Variants in ATIC observed in about 807,000 individuals in gnomAD.
ATIC encodes bifunctional purine biosynthesis protein ATIC.
ATIC carries 64 observed loss-of-function variants against 72.5 expected under a neutral mutation model. The observed-to-expected ratio is 0.88, with a 90% CI of 0.72 to 1.09. ATIC has a LOEUF of 1.09. Among genes scored for constraint, ATIC ranks in the 50% least tolerant of loss-of-function variants. ATIC has a pLI of 0.00. For synonymous variants in ATIC, 281 were observed against 267.1 expected (o/e 1.05, Z -0.51); for missense variants, 787 against 732.4 (o/e 1.07, Z -0.86).
At chr2:215,358,081 T>A in the ATIC span, among the ~76,000 whole-genome samples, 1 of 152,218 alleles carries the variant, frequency 6.6e-6, no homozygotes, top group Admixed American at 6.5e-5. Flanking sequence ...TTTCCTGTAC[T>A]TGTAATTTCC....
the ATIC span, chr2:215,361,691 AT>A: frequency 7.7e-7 from 1 of 1,296,374 alleles, no homozygotes; most frequent in South Asian, 1.2e-5. Context: ...AGAAAAAAAA[AT>A]GCGGGGAGGT....
At chr2:215,357,015 C>T in the ATIC span, among the ~76,000 whole-genome samples, 2 of 152,124 alleles carry the variant, frequency 1.3e-5, no homozygotes, top group Non-Finnish European at 2.9e-5. Flanking sequence ...GGCTGTTTCC[C>T]ACAGCAGCCG....
At chr2:215,367,959 C>T in the ATIC span, 61 of 1,614,146 alleles carry the variant, frequency 3.8e-5, no homozygotes, top group Admixed American at 5.0e-5. Context: ...TCATCTCCAA[C>T]GGCATAATGG....
intron 12 of ATIC, among the ~76,000 whole-genome samples, chr2:215,340,907 G>C (rs552682848): frequency 9.1e-4 from 139 of 152,222 alleles, no homozygotes; most frequent in Middle Eastern, 3.4e-3. Context: ...TTTTCTCTGG[G>C]ATCTTTGTCT....
At position 215,334,900 on chromosome 2, in the gene ATIC, A is replaced by T; in HGVS notation, c.923-19A>T. ...CAGGATACTTTGTGATAAATACCTC[A>T]TTTTAATTTTATTTACAGGGGCTGA... On this transcript the variant is annotated intron_variant, in intron 9 of 15. Coordinates refer to ENST00000236959, the MANE Select transcript of ATIC (RefSeq NM_004044.7). The T allele has an allele frequency of 6.2e-7, 1 of 1,600,962 alleles. No homozygotes were observed. Among genetic ancestry groups the T allele is most frequent in the Non-Finnish European group, 8.6e-7 (1 of 1,168,660 alleles).
chr2:215,338,172 G>T (rs762134149), intron 11 of ATIC, among the ~76,000 whole-genome samples: 1 of 152,166 alleles, frequency 6.6e-6, no homozygotes, highest in Non-Finnish European at 1.5e-5. Context: ...AGTGTTACAC[G>T]TATTGTTCCA....
In ATIC at chr2:215,346,939, G is replaced by A. The variant is rs1437821067; in HGVS notation, c.1501G>A (p.Glu501Lys). ...TCAATATGTGACTGGAACCATTGGC[G>A]AGGTGAAAGACTTGGCATTGGGTTC... The part of the protein sequence containing the change: ...IDQYVTGTIG[E>K]DEDLIKWKAL... Residue 501 changes from glutamate (E) to lysine (K), a missense_variant and splice_region_variant, in exon 14 of 16, where the codon GAG becomes AAG. Transcript: ENST00000236959. 8 of 1,614,138 alleles carry A rather than the reference G, an allele frequency of 5.0e-6. No homozygotes were observed. Among genetic ancestry groups the A allele is most frequent in the South Asian group, 3.3e-5 (3 of 91,068 alleles).
chr2:215,349,518 T>C lies in ATIC; in HGVS notation c.1660-18T>C. 1 of 1,614,124 alleles carries C rather than the reference T, an allele frequency of 6.2e-7. No homozygotes were observed. ...TTTACATAAAATCGCGTTTTGAAAA[T>C]CAATATACTTCCCCCAGAGTGGTGT... is the stretch of plus-strand genomic sequence containing the variant. On this transcript the variant is annotated intron_variant, in intron 15 of 15. Coordinates refer to ENST00000236959, the MANE Select transcript of ATIC (RefSeq NM_004044.7).
chr2:215,323,231 C>T (rs1262901263), intron 4 of ATIC, among the ~76,000 whole-genome samples: 1 of 152,230 alleles, frequency 6.6e-6, no homozygotes, highest in African/African-American at 2.4e-5. Flanking sequence ...AGGCGTGAGC[C>T]ACTGCGCCCG....
chr2:215,333,781 G>A (rs745710065), intron 9 of ATIC, among the ~76,000 whole-genome samples: 7 of 152,054 alleles, frequency 4.6e-5, no homozygotes, highest in Non-Finnish European at 8.8e-5. Flanking sequence ...AATGTCTCAC[G>A]CCTGTAGTAC....
chr2:215,348,955 TAAA>T (rs376547846), intron 14 of ATIC, 136 bp from the exon 15 acceptor site: 386 of 554,532 alleles, frequency 7.0e-4, no homozygotes, highest in Non-Finnish European at 8.6e-4. Flanking sequence ...AAACTCCGTC[TAAA>T]AAAAAAAAAA....
intron 11 of ATIC, among the ~76,000 whole-genome samples, chr2:215,336,954 A>C (rs1294103109): frequency 6.6e-6 from 1 of 152,208 alleles, no homozygotes; most frequent in Non-Finnish European, 1.5e-5. Context: ...TGCAGTTAGA[A>C]AATGGCATCT....
At chr2:215,326,204 G>A (rs1369427331) in intron 6 of ATIC, 66 bp downstream of exon 6, 15 of 1,588,768 alleles carry the variant, frequency 9.4e-6, no homozygotes, top group South Asian at 3.3e-5. Context: ...AGACCAAGCA[G>A]TATTCAGTTC....
chr2:215,336,235 A>G lies in ATIC; in HGVS notation c.1098+111A>G, dbSNP rs1034437560. 1.3e-5 allele frequency: 11 copies of G among 875,670 alleles called. No homozygotes were observed. The South Asian group carries it at 1.7e-4, about 13-fold the overall frequency. The allele number at this position is 875,670 out of a possible 1,614,324, so 54.2% of individuals were successfully genotyped here. A position where few individuals can be genotyped will look rare whatever the true frequency, so the allele number is the denominator to read the frequency against. ...TACCCTTCTAGTTTATCCTTATTAT[A>G]GTTTATTTTCCCCAATCCTGCATTT... is the stretch of plus-strand genomic sequence containing the variant. On this transcript the variant is annotated intron_variant, in intron 11 of 15. Transcript: ENST00000236959.
chr2:215,353,511 T>C (rs1203314272), downstream of ATIC, among the ~76,000 whole-genome samples: 2 of 152,214 alleles, frequency 1.3e-5, no homozygotes, highest in Non-Finnish European at 2.9e-5. Context: ...GTGCAGTGTC[T>C]GTGTGATGAA....
intron 6 of ATIC, among the ~76,000 whole-genome samples, 196 bp from the exon 7 acceptor site, chr2:215,326,626 A>T (rs1339434126): frequency 6.6e-6 from 1 of 151,260 alleles, no homozygotes; most frequent in East Asian, 1.9e-4. Flanking sequence ...AAAAAAAAAG[A>T]TTGAAAAAGA....
intron 9 of ATIC, 104 bp downstream of exon 9, chr2:215,333,561 T>C: frequency 1.3e-6 from 1 of 782,854 alleles, no homozygotes; most frequent in Non-Finnish European, 2.0e-6. Context: ...ATAGATATTC[T>C]GTATAATATA....
chr2:215,319,927 C>G (rs568343379), intron 4 of ATIC, among the ~76,000 whole-genome samples, 196 bp downstream of exon 4: 1 of 152,158 alleles, frequency 6.6e-6, no homozygotes, highest in African/African-American at 2.4e-5. Context: ...TAGGAAGTTA[C>G]AATCTAAATC....
At chr2:215,348,662 TTTACAA>T (rs1470440981) in intron 14 of ATIC, 1 of 429,884 alleles carries the variant, frequency 2.3e-6, no homozygotes, top group South Asian at 1.6e-5. Context: ...ATGGTCATTA[TTTACAA>T]TTAAGAAATC....
Sources: gnomAD v4.1 joint callset for allele counts (sites outside exome capture counted in the v4.1 genomes callset) on GRCh38, gnomAD v4.1.1 for gene constraint, MANE v1.5 for transcripts, NCBI Gene and HGNC (gene_info 2026-07-23, HGNC 2026-07-21) for gene names.